Variants in MAPK10 observed in about 807,000 individuals in gnomAD.
The protein encoded by MAPK10 is mitogen-activated protein kinase 10, also known as JNK3 alpha protein kinase.
In MAPK10, 25 loss-of-function variants were observed where a neutral mutation model predicts 59.3. That is an observed-to-expected ratio of 0.42 (90% CI 0.31 to 0.59). The LOEUF (loss-of-function observed/expected upper bound fraction) is 0.59. Among genes scored for constraint, MAPK10 ranks in the 20% least tolerant of loss-of-function variants. MAPK10 has a pLI of 0.15. For synonymous variants in MAPK10, 190 were observed against 200.5 expected (o/e 0.95, Z 0.44); for missense variants, 351 against 568.9 (o/e 0.62, Z 3.90).
intron 1 of MAPK10, among the ~76,000 whole-genome samples, chr4:86,446,638 C>T (rs1368030890): frequency 2.0e-5 from 3 of 152,158 alleles, no homozygotes; most frequent in Admixed American, 1.3e-4. Context: ...CTCTGCTAAG[C>T]ATTATATTTA....
At chr4:86,318,400 T>C (rs2095829954) in intron 2 of MAPK10, among the ~76,000 whole-genome samples, 1 of 152,146 alleles carries the variant, frequency 6.6e-6, no homozygotes, top group Non-Finnish European at 1.5e-5. Flanking sequence ...TATTTTGAAC[T>C]AGAGAAAGTT....
At chr4:86,202,256 T>C (rs1024797344) in intron 2 of MAPK10, among the ~76,000 whole-genome samples, 1 of 151,912 alleles carries the variant, frequency 6.6e-6, no homozygotes. Flanking sequence ...TCTTGCAGCA[T>C]ACATTAAACA....
chr4:86,082,752 A>T (rs535071423), intron 9 of MAPK10, among the ~76,000 whole-genome samples: 3 of 152,156 alleles, frequency 2.0e-5, no homozygotes, highest in Non-Finnish European at 4.4e-5. Context: ...CCTGCACAGG[A>T]CTGCTCTCTA....
chr4:86,065,820 A>G (rs1044357521), intron 10 of MAPK10, among the ~76,000 whole-genome samples: 2 of 152,254 alleles, frequency 1.3e-5, no homozygotes, highest in Non-Finnish European at 2.9e-5. Context: ...AGATAACAAA[A>G]TTTAAATGGA....
chr4:86,326,638 T>C (rs2096028893), intron 2 of MAPK10: 1 of 152,222 alleles, frequency 6.6e-6, no homozygotes, highest in South Asian at 2.1e-4. Flanking sequence ...TTACACTAGC[T>C]TTGTAAGATG....
intron 1 of MAPK10, among the ~76,000 whole-genome samples, chr4:86,551,223 ATTACT>A (rs775267029): frequency 1.3e-5 from 2 of 152,228 alleles, no homozygotes; most frequent in African/African-American, 2.4e-5. Context: ...CTTCATTTAC[ATTACT>A]TTAAAGAAAT....
chr4:86,295,150 G>A (rs925352757), intron 2 of MAPK10, among the ~76,000 whole-genome samples: 6 of 152,112 alleles, frequency 3.9e-5, no homozygotes, highest in African/African-American at 7.2e-5. Context: ...GACACAGCCC[G>A]ACACTCACAT....
Position 86,010,805 on chromosome 4 carries a change from G to C in MAPK10, c.*6423C>G, listed in dbSNP as rs1387890699. ...TGGAAGGCGAATTATGTGTGGGACA[G>C]TCTTCTAGGGAATATGTGAGGGGTT... On this transcript the variant is annotated 3_prime_UTR_variant, in exon 14 of 14. Transcript: ENST00000641462. The C allele has an allele frequency of 3.3e-5, 5 of 152,200 alleles. No homozygotes were observed. The highest frequency in any genetic ancestry group is 1.2e-4 in the African/African-American group (5 of 41,454). 9.4% of individuals were successfully genotyped at this position (152,200 alleles called of 1,614,324 possible).
At chr4:86,379,081 G>T (rs576075298) in intron 1 of MAPK10, among the ~76,000 whole-genome samples, 1 of 152,318 alleles carries the variant, frequency 6.6e-6, no homozygotes, top group South Asian at 2.1e-4. Flanking sequence ...GAGCAGCAGT[G>T]CATGTGTGGT....
chr4:86,498,780 C>T (rs1340889966), intron 1 of MAPK10, among the ~76,000 whole-genome samples: 1 of 152,180 alleles, frequency 6.6e-6, no homozygotes, highest in Non-Finnish European at 1.5e-5. Flanking sequence ...CCCTAATCGC[C>T]AAACATCATT....
At chr4:86,232,198 A>G (rs1234723889) in intron 2 of MAPK10, among the ~76,000 whole-genome samples, 1 of 152,176 alleles carries the variant, frequency 6.6e-6, no homozygotes, top group Non-Finnish European at 1.5e-5. Context: ...TGGTAGACCA[A>G]ATTTGACCCA....
intron 1 of MAPK10, among the ~76,000 whole-genome samples, chr4:86,556,932 T>C (rs1476550332): frequency 6.6e-6 from 1 of 152,106 alleles, no homozygotes; most frequent in Non-Finnish European, 1.5e-5. Context: ...CTTCCCCAAG[T>C]TTTATTTTTC....
At chr4:86,136,357 C>G (rs2062088662) in intron 4 of MAPK10, among the ~76,000 whole-genome samples, 1 of 152,074 alleles carries the variant, frequency 6.6e-6, no homozygotes, top group African/African-American at 2.4e-5. Context: ...CCCTACAAGC[C>G]AGAAGAGAGT....
intron 2 of MAPK10, chr4:86,322,163 G>A (rs1578226209): frequency 2.0e-5 from 3 of 152,268 alleles, no homozygotes; most frequent in East Asian, 1.9e-4. Context: ...CAGCACTGTA[G>A]CATGTTTTGT....
At chr4:86,075,663 G>A (rs1020927402) in intron 9 of MAPK10, among the ~76,000 whole-genome samples, 1 of 152,028 alleles carries the variant, frequency 6.6e-6, no homozygotes, top group Admixed American at 6.6e-5. Flanking sequence ...GTGTGAGGTG[G>A]CAGTGTGCCC....
intron 11 of MAPK10, among the ~76,000 whole-genome samples, chr4:86,058,886 T>G (rs752283445): frequency 1.3e-5 from 2 of 152,098 alleles, no homozygotes; most frequent in Non-Finnish European, 2.9e-5. Flanking sequence ...CTGATTCCCT[T>G]CTCTCTTTCT....
intron 1 of MAPK10, among the ~76,000 whole-genome samples, chr4:86,494,345 G>A (rs1301746066): frequency 6.6e-6 from 1 of 152,184 alleles, no homozygotes; most frequent in Non-Finnish European, 1.5e-5. Context: ...GGAAACTCTA[G>A]GTAAACAATG....
intron 1 of MAPK10, among the ~76,000 whole-genome samples, chr4:86,573,816 C>T (rs1023203932): frequency 6.6e-6 from 1 of 152,032 alleles, no homozygotes; most frequent in Admixed American, 6.6e-5. Flanking sequence ...AGATTTATCC[C>T]TTATTATTCA....
chr4:86,439,851 A>G (rs1749212009), intron 1 of MAPK10, among the ~76,000 whole-genome samples: 2 of 152,186 alleles, frequency 1.3e-5, no homozygotes, highest in Non-Finnish European at 2.9e-5. Context: ...GTATCTGTCC[A>G]AATATAACTA....
Sources: allele counts gnomAD v4.1 joint callset (sites outside exome capture counted in the v4.1 genomes callset), GRCh38; gene constraint gnomAD v4.1.1; transcripts MANE v1.5; gene names NCBI Gene and HGNC (gene_info 2026-07-23, HGNC 2026-07-21).